The following BRD8 variants were observed in gnomAD, a reference collection of about 807,000 sequenced individuals.
BRD8 encodes the protein bromodomain containing 8, also known as bromodomain-containing protein 8.
A neutral mutation model predicts 143.1 loss-of-function variants in BRD8; 67 were observed. The ratio of observed to expected loss-of-function variants is 0.47; its 90% CI spans 0.38 to 0.57. BRD8 has a LOEUF of 0.57. Ranked by LOEUF, BRD8 falls within the 20% of genes least tolerant of loss-of-function variation. BRD8 has a pLI of 0.00. For synonymous variants in BRD8, 505 were observed against 517.1 expected (o/e 0.98, Z 0.32); for missense variants, 1,103 against 1,503.0 (o/e 0.73, Z 4.40).
chr5:138,152,330 A>G, intron 21 of BRD8, 152 bp downstream of exon 21: 1 of 1,064,146 alleles, frequency 9.4e-7, no homozygotes, highest in Non-Finnish European at 1.3e-6. Flanking sequence ...ATCAGCACCA[A>G]GTGCTGAGGA....
chr5:138,174,321 G>A (rs745356753), intron 2 of BRD8, among the ~76,000 whole-genome samples: 1 of 152,160 alleles, frequency 6.6e-6, no homozygotes, highest in African/African-American at 2.4e-5. Flanking sequence ...CTGGCCGGGT[G>A]TCGTAGCTCA....
chr5:138,157,364 G>A lies in BRD8; in HGVS notation c.2577+2191C>T, dbSNP rs868118012. The A allele has an allele frequency of 1.2e-4, 177 of 1,513,596 alleles. 1 individual carries two copies. The highest frequency in any genetic ancestry group is 1.1e-3 in the South Asian group (99 of 87,710). 93.8% of individuals were successfully genotyped at this position (1,513,596 alleles called of 1,614,324 possible). A position where few individuals can be genotyped will look rare whatever the true frequency, so the allele number is the denominator to read the frequency against. On this transcript the variant is annotated intron_variant, in intron 20 of 26. Transcript: ENST00000254900. The stretch of plus-strand genomic sequence containing the variant: ...TGGGGATTTGGTTTCTTGGGGGAGA[G>A]GGAAGAGAATCAGCAGAAAAATCCA...
intron 20 of BRD8, among the ~76,000 whole-genome samples, chr5:138,156,271 C>T (rs561315859): frequency 1.3e-5 from 2 of 152,190 alleles, no homozygotes; most frequent in East Asian, 3.9e-4. Flanking sequence ...TCTCAAATAG[C>T]TGGGACTACA....
chr5:138,161,183 G>T, intron 17 of BRD8, 115 bp from the exon 18 acceptor site: 2 of 765,808 alleles, frequency 2.6e-6, no homozygotes, highest in Non-Finnish European at 3.9e-6. Flanking sequence ...CCAGCTGCCA[G>T]GACTTAAATG....
chr5:138,157,527 A>G (rs1752686999), intron 20 of BRD8: 2 of 507,414 alleles, frequency 3.9e-6, no homozygotes, highest in Admixed American at 6.7e-5. Context: ...GGTCCCACAG[A>G]ATAACTATTA....
At chr5:138,140,597 C>T (rs1561595502) in intron 26 of BRD8, 108 bp downstream of exon 26, 1 of 1,308,616 alleles carries the variant, frequency 7.6e-7, no homozygotes, top group Non-Finnish European at 1.1e-6. Flanking sequence ...GGGCCTTAAT[C>T]ACCTTTAAAA....
Position 138,169,236 on chromosome 5 carries a change from C to G in BRD8, c.628G>C (p.Glu210Gln). 6.2e-7 allele frequency: 1 copy of G among 1,614,010 alleles called. No homozygotes were observed. Among genetic ancestry groups the G allele is most frequent in the Middle Eastern group, 1.7e-4 (1 of 6,044 alleles). ...AATATACTCACCCCAGAGGTAGCCT[C>G]TTCCATAGTGGTTGGAGTCAAGTCC... ...LGDLTPTTME[E>Q]ATSGVNESEM... Residue 210 changes from glutamate to glutamine, a missense_variant, in exon 8 of 27, where the codon GAG (glutamate) becomes CAG (glutamine). By Grantham distance (29) the Glu-to-Gln change is conservative (BLOSUM62 2). Around this residue, in one of 7 missense-constraint regions of BRD8, gnomAD observed 334 missense variants for 372.5 expected, o/e 0.90. Coordinates refer to ENST00000254900, the MANE Select transcript of BRD8 (RefSeq NM_139199.2).
At chr5:138,145,710 T>C (rs1420061438) in intron 24 of BRD8, 79 bp downstream of exon 24, 2 of 1,251,134 alleles carry the variant, frequency 1.6e-6, no homozygotes, top group African/African-American at 1.5e-5. Context: ...GATGAACATA[T>C]CTCCTTTTAT....
chr5:138,164,810 A>C lies in BRD8; in HGVS notation c.1635T>G (p.Asp545Glu). ...CAGCTGCAGTACTTCCCAGTTCCTCATCTAAGTCCTGACTCCTGAGTTCTG... is the reference window on the plus strand; with the variant it reads ...CAGCTGCAGTACTTCCCAGTTCCTCCTCTAAGTCCTGACTCCTGAGTTCTG... Reference protein sequence around the residue: ...EPPELRSQDLDEELGSTAAGE... With the variant: ...EPPELRSQDLEEELGSTAAGE... The change falls in exon 12 of 27, where the codon GAT becomes GAG. Residue 545 changes from aspartate (D) to glutamate (E), a missense_variant. Around this residue, in one of 7 missense-constraint regions of BRD8, gnomAD observed 139 missense variants for 139.0 expected, o/e 1.00. Transcript: ENST00000254900. 1 of 1,614,150 alleles carries C rather than the reference A, an allele frequency of 6.2e-7. No homozygotes were observed. The highest frequency in any genetic ancestry group is 2.2e-5 in the East Asian group (1 of 44,888).
In BRD8 at chr5:138,149,661, C is replaced by T; in HGVS notation, c.3257G>A (p.Ser1086Asn). The change falls in exon 23 of 27, where the codon AGC becomes AAC. Residue 1086 changes from serine to asparagine, a missense_variant. Around this residue, in one of 7 missense-constraint regions of BRD8, gnomAD observed 369 missense variants for 445.5 expected, o/e 0.83. Coordinates refer to ENST00000254900, the MANE Select transcript of BRD8 (RefSeq NM_139199.2). ...TTACAGCTTTGAGGAGGTAGCATGG[C>T]TGAAAAGTGTATCCACCAAGGGAGT... is the stretch of plus-strand genomic sequence containing the variant. ...KETPLVDTLFSHATSSKLTDL... is the reference protein window; with the variant it reads ...KETPLVDTLFNHATSSKLTDL... 1.2e-6 allele frequency: 2 copies of T among 1,608,946 alleles called. No individual in the cohort carries two copies. Among genetic ancestry groups the T allele is most frequent in the Non-Finnish European group, 1.7e-6 (2 of 1,178,112 alleles).
rs1753694066 is a variant in BRD8 at position 138,169,377 on chromosome 5, C to T, written c.506-19G>A. On this transcript the variant is annotated intron_variant, in intron 7 of 26. Coordinates refer to ENST00000254900, the MANE Select transcript of BRD8 (RefSeq NM_139199.2). ...TGACGAGCTAGAACATAAAAGAGAACAATGTCCAAATCTTCAAGATTAAAT... is the reference window on the plus strand; with the variant it reads ...TGACGAGCTAGAACATAAAAGAGAATAATGTCCAAATCTTCAAGATTAAAT... The T allele has an allele frequency of 6.2e-7, 1 of 1,610,546 alleles. No homozygotes were observed. The highest frequency in any genetic ancestry group is 1.1e-5 in the South Asian group (1 of 90,364).
rs997545606 is a variant in BRD8 at position 138,166,570 on chromosome 5, C to T, written c.945G>A (p.Leu315=). 7.4e-6 allele frequency: 12 copies of T among 1,613,794 alleles called. No individual in the cohort carries two copies. Among genetic ancestry groups the T allele is most frequent in the Middle Eastern group, 1.6e-4 (1 of 6,080 alleles). Residue 315 remains leucine (L), a synonymous_variant, in exon 10 of 27, where the codon CTG becomes CTA. Coordinates refer to ENST00000254900, the MANE Select transcript of BRD8 (RefSeq NM_139199.2). ...SQATIVMMPA[L]PAPSSAPAVS... Reference sequence around the variant, plus strand: ...CAGCCGGAGCAGAGGATGGTGCTGGCAGCGCAGGCATCATGACAATGGTAG... The same window carrying T: ...CAGCCGGAGCAGAGGATGGTGCTGGTAGCGCAGGCATCATGACAATGGTAG...
In BRD8 at chr5:138,166,659, T is replaced by G; in HGVS notation, c.856A>C (p.Thr286Pro). Residue 286 changes from threonine (T) to proline (P), a missense_variant, in exon 10 of 27, where the codon ACT becomes CCT. By Grantham distance (38) the Thr-to-Pro change is conservative. Around this residue, in one of 7 missense-constraint regions of BRD8, gnomAD observed 334 missense variants for 372.5 expected, o/e 0.90. Coordinates refer to ENST00000254900, the MANE Select transcript of BRD8 (RefSeq NM_139199.2). ...ACTGGAGGCTCACTGGCAACAGTAGTGAAGGAAGCAAGAGGTGTGGTGAAC... is the reference window on the plus strand; with the variant it reads ...ACTGGAGGCTCACTGGCAACAGTAGGGAAGGAAGCAAGAGGTGTGGTGAAC... ...TQFTTPLASF[T>P]TVASEPPVKL... The G allele has an allele frequency of 6.2e-7, 1 of 1,613,912 alleles. No homozygotes were observed.
chr5:138,169,463 A>G (rs1400714613), intron 7 of BRD8, 105 bp from the exon 8 acceptor site: 1 of 1,280,690 alleles, frequency 7.8e-7, no homozygotes, highest in Non-Finnish European at 1.1e-6. Flanking sequence ...ATGTTGCATT[A>G]CTAAAGCAGC....
chr5:138,150,970 G>T lies in BRD8; in HGVS notation c.2895C>A (p.Asn965Lys). The T allele has an allele frequency of 6.2e-7, 1 of 1,613,772 alleles. No individual in the cohort carries two copies. Among genetic ancestry groups the T allele is most frequent in the Non-Finnish European group, 8.5e-7 (1 of 1,180,002 alleles). ...GAGGGCAGCAGCCTTCACTTGATTC[G>T]TTGCTGCTGATGCACAAGGGCTCCA... ...YLMEPLCISSNESSEGCCPPS... is the reference protein window; with the variant it reads ...YLMEPLCISSKESSEGCCPPS... Residue 965 changes from asparagine (N) to lysine (K), a missense_variant, in exon 22 of 27, where the codon AAC (asparagine) becomes AAA (lysine). Physicochemically the swap from Asn to Lys is moderately conservative, Grantham distance 94. This residue lies in a region of BRD8 where 369 missense variants were observed against 445.5 expected (regional missense o/e 0.83). Transcript: ENST00000254900.
intron 9 of BRD8, 62 bp downstream of exon 9, chr5:138,167,872 T>G: frequency 3.4e-6 from 5 of 1,456,588 alleles, no homozygotes; most frequent in Non-Finnish European, 3.9e-6. Context: ...ACAGTGAAAC[T>G]GAGGTCAGTC....
At chr5:138,161,586 A>G (rs1487956121) in intron 17 of BRD8, among the ~76,000 whole-genome samples, 2 of 152,236 alleles carry the variant, frequency 1.3e-5, no homozygotes, top group African/African-American at 2.4e-5. Flanking sequence ...CAAAGATTAC[A>G]GGCGTGAGCC....
At chr5:138,140,974 T>C in intron 25 of BRD8, 92 bp from the exon 26 acceptor site, 12 of 1,340,982 alleles carry the variant, frequency 8.9e-6, no homozygotes, top group Non-Finnish European at 1.1e-5. Context: ...TAACCAGTTC[T>C]TAATGAAAAC....
At chr5:138,149,005 C>T (rs1320476068) in intron 23 of BRD8, among the ~76,000 whole-genome samples, 1 of 151,408 alleles carries the variant, frequency 6.6e-6, no homozygotes, top group Non-Finnish European at 1.5e-5. Flanking sequence ...AGTCAAGCTG[C>T]AGTGAGTCAT....
Sources: gnomAD v4.1 joint callset for allele counts (sites outside exome capture counted in the v4.1 genomes callset) on GRCh38, gnomAD v4.1.1 for gene constraint, gnomAD v4.1.1 regional missense constraint, MANE v1.5 for transcripts, NCBI Gene and HGNC (gene_info 2026-07-23, HGNC 2026-07-21) for gene names.